TBC1D31: variants seen among roughly 807,000 people sequenced by gnomAD.
TBC1D31 encodes TBC1 domain family member 31, also known as WD repeat domain 67.
A neutral mutation model predicts 132.9 loss-of-function variants in TBC1D31; 99 were observed. The observed-to-expected ratio is 0.74, with a 90% CI of 0.63 to 0.88. The LOEUF (loss-of-function observed/expected upper bound fraction) is 0.88, where lower values mean the gene tolerates loss of function less well. Among genes scored for constraint, TBC1D31 ranks in the 40% least tolerant of loss-of-function variants. TBC1D31 has a pLI of 0.00. For synonymous variants in TBC1D31, 385 were observed against 419.4 expected (o/e 0.92, Z 1.00); for missense variants, 1,134 against 1,256.6 (o/e 0.90, Z 1.48).
the TBC1D31 span, among the ~76,000 whole-genome samples, chr8:123,161,711 T>C: frequency 6.6e-6 from 1 of 152,080 alleles, no homozygotes; most frequent in Non-Finnish European, 1.5e-5. Context: ...ATTGAGTATA[T>C]GACATTTAAA....
intron 10 of TBC1D31, among the ~76,000 whole-genome samples, chr8:123,117,752 C>CAAAAAAAA (rs71310657): frequency 1.1e-5 from 1 of 89,934 alleles, no homozygotes; most frequent in African/African-American, 4.2e-5. Context: ...AACTCCGTCT[C>CAAAAAAAA]AAAAAAAAAA....
chr8:123,100,900 A>G lies in TBC1D31; in HGVS notation c.925A>G (p.Ile309Val). Reference sequence around the variant, plus strand: ...TGAGATTGGGAGCCTCGATGAAGGAATTAGCTCATCAGCAATTAGCCCACA... The same window carrying G: ...TGAGATTGGGAGCCTCGATGAAGGAGTTAGCTCATCAGCAATTAGCCCACA... ...LFEIGSLDEG[I>V]SSSAISPHGR... The change falls in exon 7 of 22, where the codon ATT becomes GTT. Residue 309 changes from isoleucine (I) to valine (V), a missense_variant. Transcript: ENST00000287380. 6.2e-7 allele frequency: 1 copy of G among 1,613,940 alleles called. No homozygotes were observed. The highest frequency in any genetic ancestry group is 8.5e-7 in the Non-Finnish European group (1 of 1,179,854).
At chr8:123,147,139 C>T (rs1044879933) in intron 20 of TBC1D31, among the ~76,000 whole-genome samples, 3 of 151,808 alleles carry the variant, frequency 2.0e-5, no homozygotes, top group African/African-American at 7.3e-5. Context: ...TGTCACTTCT[C>T]CCTCACCCTC....
intron 1 of TBC1D31, among the ~76,000 whole-genome samples, chr8:123,076,750 C>T (rs1193185171): frequency 6.6e-6 from 1 of 152,164 alleles, no homozygotes; most frequent in Non-Finnish European, 1.5e-5. Context: ...CACTTAATCA[C>T]AGTTTATAAA....
chr8:123,128,438 C>T lies in TBC1D31; in HGVS notation c.2042C>T (p.Pro681Leu). 1.9e-6 allele frequency: 3 copies of T among 1,613,720 alleles called. No individual in the cohort carries two copies. The highest frequency in any genetic ancestry group is 2.5e-6 in the Non-Finnish European group (3 of 1,179,812). ...CAGTATCCAGTATTTAATCAATATC[C>T]AAAGTTTATTGTGGACTATCAAACA... ...KGQYPVFNQY[P>L]KFIVDYQTQE... The change falls in exon 14 of 22, where the codon CCA (proline) becomes CTA (leucine). Residue 681 changes from proline to leucine, a missense_variant. Coordinates refer to ENST00000287380, the MANE Select transcript of TBC1D31 (RefSeq NM_145647.4).
At chr8:123,105,180 C>G (rs1817805401) in intron 7 of TBC1D31, 108 bp from the exon 8 acceptor site, 1 of 755,538 alleles carries the variant, frequency 1.3e-6, no homozygotes, top group Admixed American at 4.0e-5. Flanking sequence ...AAGAATAATT[C>G]TACATATTAA....
At chr8:123,077,358 G>A (rs1814636384) in intron 2 of TBC1D31, 101 bp downstream of exon 2, 2 of 1,245,926 alleles carry the variant, frequency 1.6e-6, no homozygotes, top group Admixed American at 2.6e-5. Context: ...GATTTATTAA[G>A]TTCTATTATA....
At chr8:123,083,291 T>C (rs1252370219) in intron 3 of TBC1D31, 1 of 153,456 alleles carries the variant, frequency 6.5e-6, no homozygotes, top group African/African-American at 2.4e-5. Context: ...TTTTTGGTGT[T>C]TTCCCTACCA....
chr8:123,130,476 C>T lies in TBC1D31; in HGVS notation c.2406+143C>T, dbSNP rs577167413. On this transcript the variant is annotated intron_variant, in intron 16 of 21. Coordinates refer to ENST00000287380, the MANE Select transcript of TBC1D31 (RefSeq NM_145647.4). ...CTTTAATTTTATTTACTTTTCCCCTCAGCTTTCTCATTCTCTTTTGTATTT... is the reference window on the plus strand; with the variant it reads ...CTTTAATTTTATTTACTTTTCCCCTTAGCTTTCTCATTCTCTTTTGTATTT... The T allele has an allele frequency of 3.5e-4, 251 of 716,574 alleles. 4 individuals carry two copies. In the South Asian group the frequency reaches 0.011, roughly 30 times the overall value. The allele number at this position is 716,574 out of a possible 1,614,324, so 44.4% of individuals were successfully genotyped here. A position where few individuals can be genotyped will look rare whatever the true frequency, so the allele number is the denominator to read the frequency against.
At chr8:123,160,909 G>A in the TBC1D31 span, among the ~76,000 whole-genome samples, 1 of 152,202 alleles carries the variant, frequency 6.6e-6, no homozygotes, top group Non-Finnish European at 1.5e-5. Context: ...CAGCTGCGGC[G>A]ATGAGGTCCC....
At chr8:123,120,529 G>A (rs1049845276) in intron 11 of TBC1D31, among the ~76,000 whole-genome samples, 8 of 151,958 alleles carry the variant, frequency 5.3e-5, no homozygotes, top group South Asian at 4.1e-4. Flanking sequence ...AAAATTAGCC[G>A]GGTGTGGTGG....
chr8:123,109,445 G>T (rs1396194196), intron 9 of TBC1D31, 29 bp from the exon 10 acceptor site: 1 of 1,608,910 alleles, frequency 6.2e-7, no homozygotes, highest in Non-Finnish European at 8.5e-7. Context: ...AAAAAAAATT[G>T]GGGGGATTAA....
At chr8:123,144,236 C>T (rs769029384) in intron 19 of TBC1D31, among the ~76,000 whole-genome samples, 3 of 152,074 alleles carry the variant, frequency 2.0e-5, no homozygotes, top group Non-Finnish European at 4.4e-5. Flanking sequence ...ATTATTTTCT[C>T]ATTTTATGGA....
Position 123,120,095 on chromosome 8 carries a change from GAC to G in TBC1D31, c.1482_1483del (p.Pro495IlefsTer22), listed in dbSNP as rs752653198. Reference protein sequence around the residue: ...ALAHWSVIFSDTPYLPLLAFP... With the variant: ...ALAHWSVIFSXTPYLPLLAFP... ...AGCTCACTGGTCTGTCATTTTTAGT[GAC>G]ACACCATATCTTCCACTCTTGGCAT... On this transcript the variant is annotated frameshift_variant, in exon 11 of 22. Transcript: ENST00000287380. LOFTEE classifies it high-confidence loss of function. The G allele has an allele frequency of 6.2e-7, 1 of 1,610,008 alleles. No homozygotes were observed. The highest frequency in any genetic ancestry group is 1.1e-5 in the South Asian group (1 of 90,232).
intron 4 of TBC1D31, among the ~76,000 whole-genome samples, chr8:123,090,111 A>G (rs1407486278): frequency 2.0e-5 from 3 of 152,222 alleles, no homozygotes; most frequent in Non-Finnish European, 4.4e-5. Flanking sequence ...TAGTAATAGT[A>G]ATAGATACCC....
chr8:123,110,027 G>C (rs1197589924), intron 10 of TBC1D31, among the ~76,000 whole-genome samples: 2 of 152,180 alleles, frequency 1.3e-5, no homozygotes, highest in African/African-American at 4.8e-5. Context: ...CCTGGAGGCA[G>C]AGGTTGCAGT....
chr8:123,157,906 G>C, the TBC1D31 span, among the ~76,000 whole-genome samples: 2 of 152,058 alleles, frequency 1.3e-5, no homozygotes, highest in African/African-American at 4.8e-5. Flanking sequence ...CTGACTGCAG[G>C]ACTGACTGCA....
chr8:123,078,337 A>G (rs1814762399), intron 2 of TBC1D31, among the ~76,000 whole-genome samples: 1 of 152,180 alleles, frequency 6.6e-6, no homozygotes, highest in South Asian at 2.1e-4. Context: ...ACATATATGG[A>G]GGGCAGAAAA....
chr8:123,128,173 A>T (rs956214744), intron 13 of TBC1D31, 108 bp from the exon 14 acceptor site: 1 of 531,660 alleles, frequency 1.9e-6, no homozygotes, highest in African/African-American at 1.9e-5. Flanking sequence ...TTGCAAAAAA[A>T]TATATATTCT....
Sources: allele counts gnomAD v4.1 joint callset (sites outside exome capture counted in the v4.1 genomes callset), GRCh38; gene constraint gnomAD v4.1.1; transcripts MANE v1.5; gene names NCBI Gene and HGNC (gene_info 2026-07-23, HGNC 2026-07-21).